Variants in TTC7B observed in about 807,000 individuals in gnomAD.
TTC7B encodes tetratricopeptide repeat domain 7B.
In TTC7B, 28 loss-of-function variants were observed where a neutral mutation model predicts 106.8. The ratio of observed to expected loss-of-function variants is 0.26; its 90% CI spans 0.19 to 0.36. TTC7B has a LOEUF of 0.36. TTC7B is among the 10% of genes least tolerant of loss of function. The pLI is 1.00. For synonymous variants in TTC7B, 405 were observed against 430.6 expected (o/e 0.94, Z 0.74); for missense variants, 862 against 1,076.4 (o/e 0.80, Z 2.79).
At chr14:90,603,189 C>T (rs145070451) in intron 17 of TTC7B, 6 of 1,102,218 alleles carry the variant, frequency 5.4e-6, no homozygotes, top group East Asian at 5.9e-5. Flanking sequence ...ATGCACATTC[C>T]GTGGTGGGGG....
intron 3 of TTC7B, chr14:90,766,563 T>C: frequency 1.3e-6 from 1 of 792,102 alleles, no homozygotes; most frequent in South Asian, 1.3e-5. Context: ...AGTTCCAGCA[T>C]ATTTTGTGAG....
At chr14:90,755,238 A>C (rs1386460031) in intron 3 of TTC7B, among the ~76,000 whole-genome samples, 1 of 152,204 alleles carries the variant, frequency 6.6e-6, no homozygotes, top group Non-Finnish European at 1.5e-5. Context: ...GGACGGAATT[A>C]GACATATACC....
chr14:90,602,877 AC>A (rs1892486910), intron 17 of TTC7B, among the ~76,000 whole-genome samples: 1 of 152,204 alleles, frequency 6.6e-6, no homozygotes, highest in South Asian at 2.1e-4. Context: ...TCAAGATCCA[AC>A]TGGTTCCCTC....
At chr14:90,547,216 A>C (rs1359213286) in intron 19 of TTC7B, among the ~76,000 whole-genome samples, 4 of 152,252 alleles carry the variant, frequency 2.6e-5, no homozygotes, top group Non-Finnish European at 2.9e-5. Flanking sequence ...GTTTTGTACA[A>C]ATAGGATCTT....
At position 90,726,474 on chromosome 14, in the gene TTC7B, G is replaced by A. The variant is rs149595680; in HGVS notation, c.698+3601C>T. 8.5e-3 allele frequency among the ~76,000 whole-genome samples: 1,292 copies of A among 152,298 alleles called. 8 individuals carry two copies. Among genetic ancestry groups the A allele is most frequent in the South Asian group, 0.032 (153 of 4,828 alleles). On this transcript the variant is annotated intron_variant, in intron 5 of 19. Coordinates refer to ENST00000328459, the MANE Select transcript of TTC7B (RefSeq NM_001010854.2). ...CACAAGCTCCCACTGCAACCAGGACGTGACCTGAATCTGGTCCCACTTTCA... is the reference window on the plus strand; with the variant it reads ...CACAAGCTCCCACTGCAACCAGGACATGACCTGAATCTGGTCCCACTTTCA...
Position 90,737,719 on chromosome 14 carries a change from C to T in TTC7B, c.576+7073G>A, listed in dbSNP as rs180962202. Among the ~76,000 whole-genome samples, 40 of 151,990 alleles carry T rather than the reference C, an allele frequency of 2.6e-4. No homozygotes were observed. The East Asian group carries it at 5.6e-3, about 21-fold the overall frequency. ...GACTGCAGGTGCACACCACCACGCC[C>T]GACCAATTTTTGTATTTTTAGTAGA... On this transcript the variant is annotated intron_variant, in intron 4 of 19. Transcript: ENST00000328459.
At chr14:90,737,899 C>G (rs1438114126) in intron 4 of TTC7B, among the ~76,000 whole-genome samples, 6 of 152,138 alleles carry the variant, frequency 3.9e-5, no homozygotes, top group Non-Finnish European at 5.9e-5. Flanking sequence ...TGCAAATCTA[C>G]AGAGACAGAC....
At chr14:90,712,163 T>C (rs1888474725) in intron 5 of TTC7B, among the ~76,000 whole-genome samples, 1 of 152,158 alleles carries the variant, frequency 6.6e-6, no homozygotes, top group Non-Finnish European at 1.5e-5. Flanking sequence ...ACAAGAGGCA[T>C]CTATCAAAAA....
chr14:90,733,596 C>G (rs80098327), intron 4 of TTC7B, among the ~76,000 whole-genome samples: 11,941 of 152,266 alleles, frequency 0.078, 494 homozygotes, highest in East Asian at 0.16. Context: ...AGTGCTGAAG[C>G]CACCACTTGT....
intron 5 of TTC7B, among the ~76,000 whole-genome samples, chr14:90,707,684 T>C (rs1462345019): frequency 1.3e-5 from 2 of 152,238 alleles, no homozygotes; most frequent in Non-Finnish European, 2.9e-5. Context: ...GGATAGAAGA[T>C]TAAAGCAGCC....
intron 4 of TTC7B, among the ~76,000 whole-genome samples, chr14:90,733,053 A>G (rs991927181): frequency 6.6e-6 from 1 of 152,210 alleles, no homozygotes; most frequent in Non-Finnish European, 1.5e-5. Flanking sequence ...GGCCACGCCT[A>G]TTTTACTTAC....
At chr14:90,732,280 T>A in intron 4 of TTC7B, among the ~76,000 whole-genome samples, 1 of 152,212 alleles carries the variant, frequency 6.6e-6, no homozygotes, top group East Asian at 1.9e-4. Context: ...ACTATCCATT[T>A]CTACTACCAT....
intron 3 of TTC7B, among the ~76,000 whole-genome samples, chr14:90,760,052 G>A (rs1890447513): frequency 6.6e-6 from 1 of 152,244 alleles, no homozygotes. Context: ...ATTAAAATCT[G>A]AATGCCAAAT....
chr14:90,793,539 A>AG (rs1566891112), intron 1 of TTC7B, among the ~76,000 whole-genome samples: 1 of 150,360 alleles, frequency 6.7e-6, no homozygotes, highest in East Asian at 1.9e-4. Context: ...AAAAAAAAAA[A>AG]GAATCTCTTT....
intron 16 of TTC7B, among the ~76,000 whole-genome samples, chr14:90,612,402 G>T (rs931084643): frequency 6.6e-6 from 1 of 152,128 alleles, no homozygotes. Flanking sequence ...CCTCCACTTA[G>T]GAGTTTTTCA....
At chr14:90,563,389 G>A (rs764653182) in intron 19 of TTC7B, among the ~76,000 whole-genome samples, 4 of 152,208 alleles carry the variant, frequency 2.6e-5, no homozygotes, top group Non-Finnish European at 5.9e-5. Context: ...TGTCTATTAA[G>A]TGTGTAATAC....
At chr14:90,664,629 T>A (rs79651825) in intron 9 of TTC7B, among the ~76,000 whole-genome samples, 1,788 of 152,288 alleles carry the variant, frequency 0.012, 36 homozygotes, top group African/African-American at 0.039. Context: ...AACGGACTTT[T>A]CAGAAGATGG....
At chr14:90,640,542 A>G (rs1885128573) in intron 15 of TTC7B, among the ~76,000 whole-genome samples, 1 of 152,204 alleles carries the variant, frequency 6.6e-6, no homozygotes, top group Non-Finnish European at 1.5e-5. Flanking sequence ...CTTTTTTCTA[A>G]ACTACGAATA....
intron 17 of TTC7B, among the ~76,000 whole-genome samples, chr14:90,598,040 C>T (rs1892280287): frequency 6.6e-6 from 1 of 152,254 alleles, no homozygotes; most frequent in Non-Finnish European, 1.5e-5. Context: ...TGGTGCATCT[C>T]TCATCTGCCA....
Sources: allele counts gnomAD v4.1 joint callset (sites outside exome capture counted in the v4.1 genomes callset), GRCh38; gene constraint gnomAD v4.1.1; transcripts MANE v1.5; gene names NCBI Gene and HGNC (gene_info 2026-07-23, HGNC 2026-07-21).